Variants in SLC7A1 observed in about 807,000 individuals in gnomAD.
The protein encoded by SLC7A1 is high affinity cationic amino acid transporter 1.
SLC7A1 carries 10 observed loss-of-function variants against 53.9 expected under a neutral mutation model. The observed-to-expected ratio is 0.19, with a 90% CI of 0.11 to 0.31. The LOEUF is 0.31. Among genes scored for constraint, SLC7A1 ranks in the 10% least tolerant of loss-of-function variants. The pLI is 1.00. For missense variants in SLC7A1, 525 were observed against 827.2 expected (o/e 0.63, Z 4.48); for synonymous variants, 342 against 338.7 (o/e 1.01, Z -0.11).
rs1302217705 is a variant in SLC7A1, at chr13:29,532,845, T to C, written c.508A>G (p.Ile170Val). Residue 170 changes from isoleucine (I) to valine (V), a missense_variant, in exon 4 of 13, where the codon ATC becomes GTC. Transcript: ENST00000380752. ...TTACCTGTCAAGATGAGAATTATGA[T>C]CACTGCGAATATGTCGGGGTTTTCA... is the stretch of plus-strand genomic sequence containing the variant. The part of the protein sequence containing the change: ...LAENPDIFAV[I>V]IILILTGLLT... 1.2e-6 allele frequency: 2 copies of C among 1,613,454 alleles called. No individual in the cohort carries two copies. The highest frequency in any genetic ancestry group is 2.2e-5 in the South Asian group (2 of 90,918).
intron 5 of SLC7A1, among the ~76,000 whole-genome samples, chr13:29,527,494 T>C (rs149402945): frequency 1.2e-3 from 177 of 152,296 alleles, no homozygotes; most frequent in African/African-American, 4.0e-3. Context: ...TTCTATGTAA[T>C]CAATAATTAA....
At chr13:29,590,202 C>G (rs551625356) in intron 1 of SLC7A1, among the ~76,000 whole-genome samples, 11 of 152,330 alleles carry the variant, frequency 7.2e-5, no homozygotes, top group African/African-American at 2.6e-4. Flanking sequence ...TGGAGACATC[C>G]TATCCTACAG....
chr13:29,572,747 G>A (rs1373536715), intron 1 of SLC7A1, among the ~76,000 whole-genome samples: 1 of 152,142 alleles, frequency 6.6e-6, no homozygotes, highest in Non-Finnish European at 1.5e-5. Flanking sequence ...ACATGGGCAC[G>A]AGCACTACAG....
intron 6 of SLC7A1, 68 bp downstream of exon 6, chr13:29,524,064 A>C (rs1200476239): frequency 6.6e-7 from 1 of 1,512,844 alleles, no homozygotes; most frequent in Non-Finnish European, 9.1e-7. Context: ...AAGGAGGGAA[A>C]TGGCAAGCAT....
intron 1 of SLC7A1, among the ~76,000 whole-genome samples, chr13:29,555,378 AAAAGAAT>A (rs1160037601): frequency 7.0e-6 from 1 of 142,806 alleles, no homozygotes; most frequent in African/African-American, 2.5e-5. Flanking sequence ...AAAAAAAAAA[AAAAGAAT>A]TACATTGTGT....
chr13:29,515,121 A>G (rs1017727486), intron 12 of SLC7A1, among the ~76,000 whole-genome samples: 1 of 152,188 alleles, frequency 6.6e-6, no homozygotes, highest in Non-Finnish European at 1.5e-5. Flanking sequence ...TCCAGGACCT[A>G]TGCTTCTTAC....
chr13:29,563,373 T>C (rs1406303330), intron 1 of SLC7A1, among the ~76,000 whole-genome samples: 4 of 152,248 alleles, frequency 2.6e-5, no homozygotes, highest in African/African-American at 7.2e-5. Context: ...AGTGGGTTTT[T>C]TGATGTTTCA....
intron 1 of SLC7A1, among the ~76,000 whole-genome samples, chr13:29,577,060 C>T (rs540078028): frequency 2.4e-4 from 37 of 152,262 alleles, no homozygotes; most frequent in African/African-American, 8.4e-4. Flanking sequence ...TTGCTTTATC[C>T]AGAGTGAAAC....
intron 1 of SLC7A1, among the ~76,000 whole-genome samples, chr13:29,582,419 C>A (rs1489312285): frequency 6.6e-6 from 1 of 152,242 alleles, no homozygotes; most frequent in Non-Finnish European, 1.5e-5. Flanking sequence ...CGTCCCAAGG[C>A]CACTAACGTA....
intron 8 of SLC7A1, 44 bp from the exon 9 acceptor site, chr13:29,519,593 T>A: frequency 7.9e-7 from 1 of 1,260,338 alleles, no homozygotes; most frequent in Non-Finnish European, 1.2e-6. Flanking sequence ...GCCATCTGCA[T>A]GCAATGACAA....
intron 2 of SLC7A1, among the ~76,000 whole-genome samples, chr13:29,543,199 G>A (rs1423848431): frequency 6.6e-6 from 1 of 152,200 alleles, no homozygotes; most frequent in Non-Finnish European, 1.5e-5. Flanking sequence ...CAAAGAAAAG[G>A]TCTGTCTCAA....
Position 29,522,331 on chromosome 13 carries a change from G to A in SLC7A1, c.1175C>T (p.Ser392Leu). 4 of 1,614,214 alleles carry A rather than the reference G, an allele frequency of 2.5e-6. No homozygotes were observed. Among genetic ancestry groups the A allele is most frequent in the Non-Finnish European group, 3.4e-6 (4 of 1,180,048 alleles). ...TKTPIIATLA[S>L]GAVAAVMAFL... ...CTAGTACTCACCAGCAACGGCACCC[G>A]AGGCTAATGTGGCGATTATTGGTGT... Residue 392 changes from serine (S) to leucine (L), a missense_variant, in exon 8 of 13, where the codon TCG becomes TTG. By Grantham distance (145) the Ser-to-Leu change is moderately radical. Coordinates refer to ENST00000380752, the MANE Select transcript of SLC7A1 (RefSeq NM_003045.5).
At chr13:29,593,224 C>T (rs1468994006) in intron 1 of SLC7A1, among the ~76,000 whole-genome samples, 1 of 152,218 alleles carries the variant, frequency 6.6e-6, no homozygotes, top group Non-Finnish European at 1.5e-5. Flanking sequence ...ATTAATACAG[C>T]AACTCCGATG....
In SLC7A1 at chr13:29,530,608, C is replaced by T. The variant is rs1421813799; in HGVS notation, c.634G>A (p.Gly212Arg). 1 of 1,614,118 alleles carries T rather than the reference C, an allele frequency of 6.2e-7. No homozygotes were observed. Among genetic ancestry groups the T allele is most frequent in the Non-Finnish European group, 8.5e-7 (1 of 1,180,032 alleles). ...GFIMVSGFVK[G>R]SVKNWQLTEE... ...GTGAGCTGCCAGTTTTTAACCGATC[C>T]TTTCACAAATCCTGACACCATTATG... is the stretch of plus-strand genomic sequence containing the variant. Residue 212 changes from glycine (G) to arginine (R), a missense_variant, in exon 5 of 13, where the codon GGA becomes AGA. By Grantham distance (125) the Gly-to-Arg change is moderately radical. Coordinates refer to ENST00000380752, the MANE Select transcript of SLC7A1 (RefSeq NM_003045.5).
intron 2 of SLC7A1, among the ~76,000 whole-genome samples, chr13:29,552,191 G>A (rs1175458233): frequency 6.6e-6 from 1 of 151,212 alleles, no homozygotes. Flanking sequence ...AAGAATGTAA[G>A]AGAGTGGGAG....
At chr13:29,523,230 A>AC in intron 7 of SLC7A1, 36 bp downstream of exon 7, 1 of 1,553,182 alleles carries the variant, frequency 6.4e-7, no homozygotes, top group Non-Finnish European at 8.9e-7. Flanking sequence ...TGGTGGTTCC[A>AC]CCCCTAGGAG....
At chr13:29,567,807 G>C (rs1329962765) in intron 1 of SLC7A1, among the ~76,000 whole-genome samples, 1 of 151,952 alleles carries the variant, frequency 6.6e-6, no homozygotes, top group African/African-American at 2.4e-5. Context: ...TTACCAAAGG[G>C]AATTAAGCAA....
intron 1 of SLC7A1, among the ~76,000 whole-genome samples, chr13:29,555,785 G>A (rs995482526): frequency 6.6e-6 from 1 of 152,180 alleles, no homozygotes; most frequent in African/African-American, 2.4e-5. Context: ...TCGTCACCAA[G>A]ATGTGGACAG....
chr13:29,538,321 G>GAAC (rs1225370160), intron 2 of SLC7A1, among the ~76,000 whole-genome samples: 3 of 152,168 alleles, frequency 2.0e-5, no homozygotes, highest in African/African-American at 7.2e-5. Context: ...GCTGCTTGTG[G>GAAC]AACAGTGATG....
Sources: gnomAD v4.1 joint callset for allele counts (sites outside exome capture counted in the v4.1 genomes callset) on GRCh38, gnomAD v4.1.1 for gene constraint, MANE v1.5 for transcripts, NCBI Gene and HGNC (gene_info 2026-07-23, HGNC 2026-07-21) for gene names.